The following LEKR1 variants were observed in gnomAD, a reference collection of about 807,000 sequenced individuals.
The protein encoded by LEKR1 is leucine, glutamate and lysine rich 1, also known as protein LEKR1.
Under a neutral mutation model 72.4 loss-of-function variants are expected in LEKR1, and 59 were observed. The observed-to-expected ratio is 0.82, with a 90% CI of 0.66 to 1.01. The LOEUF (loss-of-function observed/expected upper bound fraction) is 1.01, where lower values mean the gene tolerates loss of function less well. Ranked by LOEUF, LEKR1 falls within the 50% of genes least tolerant of loss-of-function variation. The pLI, the probability that LEKR1 is intolerant of heterozygous loss-of-function variation, is 0.00. For synonymous variants in LEKR1, 257 were observed against 263.2 expected (o/e 0.98, Z 0.23); for missense variants, 728 against 759.2 (o/e 0.96, Z 0.48).
intron 9 of LEKR1, among the ~76,000 whole-genome samples, chr3:157,009,015 C>T (rs1272382267): frequency 6.6e-6 from 1 of 152,038 alleles, no homozygotes; most frequent in African/African-American, 2.4e-5. Context: ...TTTTATTTGA[C>T]TCATGAGCTA....
chr3:156,832,752 G>A (rs1032515544), intron 2 of LEKR1, among the ~76,000 whole-genome samples: 1 of 152,120 alleles, frequency 6.6e-6, no homozygotes, highest in Non-Finnish European at 1.5e-5. Flanking sequence ...CGGGTTAGGA[G>A]CCCTGTAAAG....
At chr3:156,873,639 C>A (rs1451608433) in intron 3 of LEKR1, among the ~76,000 whole-genome samples, 1 of 151,604 alleles carries the variant, frequency 6.6e-6, no homozygotes, top group African/African-American at 2.4e-5. Flanking sequence ...CCTTTTAATT[C>A]TGGGTGTAGG....
rs545256180 is a variant in LEKR1, at chr3:156,839,061, A to G, written c.48+9684A>G. The stretch of plus-strand genomic sequence containing the variant: ...CACAAAATGCATTAGTAAGGAGGAG[A>G]CGTGAGCACCAGGATTTAAGGAAGG... On this transcript the variant is annotated intron_variant, in intron 2 of 12. Transcript: ENST00000356539. Among the ~76,000 whole-genome samples, 10 of 152,224 alleles carry G rather than the reference A, an allele frequency of 6.6e-5. No homozygotes were observed. In the South Asian group the frequency reaches 1.9e-3, roughly 28 times the overall value.
At chr3:156,906,112 C>T (rs894696065) in intron 3 of LEKR1, among the ~76,000 whole-genome samples, 65 of 152,116 alleles carry the variant, frequency 4.3e-4, no homozygotes, top group African/African-American at 1.4e-3. Flanking sequence ...GTAAAATCCT[C>T]GATGATGTGG....
At chr3:156,997,982 C>G (rs1452568033) in intron 9 of LEKR1, among the ~76,000 whole-genome samples, 1 of 152,226 alleles carries the variant, frequency 6.6e-6, no homozygotes, top group African/African-American at 2.4e-5. Flanking sequence ...CAGGTAAAGA[C>G]AGTCTGGCCA....
intron 6 of LEKR1, among the ~76,000 whole-genome samples, chr3:156,972,752 AAC>A (rs1158917258): frequency 6.6e-6 from 1 of 151,162 alleles, no homozygotes; most frequent in Non-Finnish European, 1.5e-5. Context: ...AAATAATTTA[AAC>A]AGTGAGTAAA....
At chr3:157,038,465 G>A (rs1012554203) in intron 12 of LEKR1, among the ~76,000 whole-genome samples, 1 of 152,194 alleles carries the variant, frequency 6.6e-6, no homozygotes, top group Non-Finnish European at 1.5e-5. Context: ...TGTCGATTTT[G>A]GACAATTCCA....
chr3:156,829,696 A>G (rs1437908807), intron 2 of LEKR1, among the ~76,000 whole-genome samples: 1 of 152,224 alleles, frequency 6.6e-6, no homozygotes, highest in Admixed American at 6.5e-5. Flanking sequence ...AGCCTCTATT[A>G]TGGTTTGACC....
intron 3 of LEKR1, among the ~76,000 whole-genome samples, chr3:156,884,054 C>T (rs1719789567): frequency 6.6e-6 from 1 of 152,122 alleles, no homozygotes; most frequent in Non-Finnish European, 1.5e-5. Context: ...ACTGTTGTTG[C>T]TTTAACATCA....
At chr3:156,947,764 C>T (rs568423138) in intron 6 of LEKR1, among the ~76,000 whole-genome samples, 2 of 151,138 alleles carry the variant, frequency 1.3e-5, no homozygotes, top group Non-Finnish European at 3.0e-5. Flanking sequence ...TTATTTGACG[C>T]ACCATTAATA....
intron 7 of LEKR1, among the ~76,000 whole-genome samples, chr3:156,991,291 T>A (rs1042714720): frequency 3.3e-5 from 5 of 151,958 alleles, no homozygotes; most frequent in African/African-American, 4.8e-5. Flanking sequence ...ATCACCAGAG[T>A]ATTCTTCTTA....
chr3:156,978,415 G>A (rs1392229563), intron 6 of LEKR1, among the ~76,000 whole-genome samples: 1 of 152,130 alleles, frequency 6.6e-6, no homozygotes, highest in Non-Finnish European at 1.5e-5. Context: ...ACACCAACCA[G>A]TCTATCAGTT....
chr3:156,973,097 G>A (rs1321377839), intron 6 of LEKR1, among the ~76,000 whole-genome samples: 1 of 151,910 alleles, frequency 6.6e-6, no homozygotes, highest in African/African-American at 2.4e-5. Flanking sequence ...TTTGTTTCAT[G>A]TACTGTATTT....
chr3:156,881,503 A>T (rs1719336160), intron 3 of LEKR1, among the ~76,000 whole-genome samples: 2 of 152,034 alleles, frequency 1.3e-5, no homozygotes, highest in African/African-American at 4.8e-5. Context: ...ATAAAAGAGG[A>T]TACAAACAAA....
chr3:156,907,017 T>C (rs1235662520), intron 3 of LEKR1, among the ~76,000 whole-genome samples: 1 of 152,168 alleles, frequency 6.6e-6, no homozygotes, highest in Non-Finnish European at 1.5e-5. Context: ...ATCTACTATT[T>C]CTACATTTTT....
intron 9 of LEKR1, among the ~76,000 whole-genome samples, chr3:156,998,717 T>G (rs1415403325): frequency 6.6e-6 from 1 of 152,244 alleles, no homozygotes; most frequent in East Asian, 1.9e-4. Context: ...TGCAGTTTAC[T>G]AAATTGTCCC....
chr3:156,928,779 T>C (rs769521426), intron 5 of LEKR1, among the ~76,000 whole-genome samples: 1 of 152,098 alleles, frequency 6.6e-6, no homozygotes, highest in East Asian at 1.9e-4. Flanking sequence ...AAGTAGTTGA[T>C]ATTTTAGCTG....
intron 3 of LEKR1, among the ~76,000 whole-genome samples, chr3:156,856,540 G>A (rs184227655): frequency 2.0e-5 from 3 of 152,090 alleles, no homozygotes; most frequent in Admixed American, 1.3e-4. Flanking sequence ...ATATTATCTC[G>A]ATAATTGACA....
intron 2 of LEKR1, among the ~76,000 whole-genome samples, chr3:156,830,497 A>C (rs1170461601): frequency 2.0e-5 from 3 of 152,214 alleles, no homozygotes; most frequent in Non-Finnish European, 4.4e-5. Context: ...AAATGAATCC[A>C]GTGTAAGGAC....
Sources: gnomAD v4.1 joint callset for allele counts (sites outside exome capture counted in the v4.1 genomes callset) on GRCh38, gnomAD v4.1.1 for gene constraint, MANE v1.5 for transcripts, NCBI Gene and HGNC (gene_info 2026-07-23, HGNC 2026-07-21) for gene names.